Variants in TTC3 observed in about 807,000 individuals in gnomAD.
The protein encoded by TTC3 is E3 ubiquitin-protein ligase TTC3.
In TTC3, 180 loss-of-function variants were observed where a neutral mutation model predicts 249.6. The ratio of observed to expected loss-of-function variants is 0.72; its 90% CI spans 0.64 to 0.82. The LOEUF is 0.82. TTC3 is among the 40% of genes least tolerant of loss of function. The probability of loss-of-function intolerance (pLI) is 0.00; values close to 1 mark genes in which losing one functional copy is unlikely to be tolerated. For synonymous variants in TTC3, 717 were observed against 805.0 expected, an observed-to-expected ratio of 0.89 and a Z score of 1.85; for missense variants, 2,061 against 2,398.4, an observed-to-expected ratio of 0.86 and a Z score of 2.94.
At chr21:37,132,485 G>A (rs1315732418) in intron 16 of TTC3, among the ~76,000 whole-genome samples, 197 bp from the exon 17 acceptor site, 2 of 151,772 alleles carry the variant, frequency 1.3e-5, no homozygotes, top group East Asian at 3.9e-4. Flanking sequence ...GATAATTTTT[G>A]TATTTTTAGT....
At chr21:37,134,829 C>T (rs536217465) in intron 17 of TTC3, among the ~76,000 whole-genome samples, 1 of 152,060 alleles carries the variant, frequency 6.6e-6, no homozygotes, top group Non-Finnish European at 1.5e-5. Flanking sequence ...TGCATTTAAC[C>T]TATTGTTATC....
At chr21:37,148,678 C>A in intron 23 of TTC3, 31 bp downstream of exon 23, 1 of 1,455,144 alleles carries the variant, frequency 6.9e-7, no homozygotes, top group Non-Finnish European at 9.4e-7. Flanking sequence ...CTGAATTTTT[C>A]AGTATACTTA....
At chr21:37,159,108 C>G (rs1251240332) in intron 28 of TTC3, among the ~76,000 whole-genome samples, 1 of 152,214 alleles carries the variant, frequency 6.6e-6, no homozygotes, top group Non-Finnish European at 1.5e-5. Context: ...TCCTCTATCT[C>G]TGAGCACACA....
At chr21:37,131,423 A>G (rs1269653173) in intron 16 of TTC3, among the ~76,000 whole-genome samples, 1 of 152,200 alleles carries the variant, frequency 6.6e-6, no homozygotes, top group East Asian at 1.9e-4. Context: ...GGGCTGACGA[A>G]CACATTGATG....
In TTC3 at chr21:37,154,303, T is replaced by G. The variant is rs576307489; in HGVS notation, c.2740+1026T>G. Reference sequence around the variant, plus strand: ...CCACCTGTCTGAATGTTTAGAAACGTGGGGCTATTAGAATTCTAGGGTTTC... The same window carrying G: ...CCACCTGTCTGAATGTTTAGAAACGGGGGGCTATTAGAATTCTAGGGTTTC... On this transcript the variant is annotated intron_variant, in intron 27 of 45. Transcript: ENST00000355666. Among the ~76,000 whole-genome samples the G allele has an allele frequency of 4.6e-5, 7 of 152,232 alleles. No homozygotes were observed. In the South Asian group the frequency reaches 1.5e-3, roughly 32 times the overall value.
chr21:37,088,147 T>TA (rs754005025), intron 3 of TTC3, 49 bp from the exon 4 acceptor site: 77 of 1,462,668 alleles, frequency 5.3e-5, no homozygotes, highest in Non-Finnish European at 6.9e-5. Flanking sequence ...GTTGATTCAT[T>TA]AAAAAAATGA....
intron 1 of TTC3, among the ~76,000 whole-genome samples, chr21:37,080,187 GTTTAA>G (rs1314466511): frequency 6.6e-6 from 1 of 151,862 alleles, no homozygotes; most frequent in East Asian, 1.9e-4. Flanking sequence ...ATCTAACATA[GTTTAA>G]TTTATAGTGT....
intron 1 of TTC3, among the ~76,000 whole-genome samples, chr21:37,080,370 T>G (rs1601219966): frequency 2.8e-5 from 1 of 35,996 alleles, no homozygotes; most frequent in Non-Finnish European, 8.1e-5. Context: ...TTTTTAGCAT[T>G]TTTTTTTTTT....
At chr21:37,116,301 T>C (rs913252085) in intron 11 of TTC3, among the ~76,000 whole-genome samples, 4 of 152,176 alleles carry the variant, frequency 2.6e-5, no homozygotes, top group African/African-American at 9.7e-5. Flanking sequence ...TCTATCGAGT[T>C]CATGATAGTG....
chr21:37,121,500 C>T (rs950789159), intron 11 of TTC3, among the ~76,000 whole-genome samples: 5 of 152,172 alleles, frequency 3.3e-5, no homozygotes, highest in Non-Finnish European at 7.3e-5. Flanking sequence ...TTTACTTTAT[C>T]TGGCACAAAA....
Position 37,150,185 on chromosome 21 carries a change from G to A in TTC3, c.2211+15G>A. The A allele has an allele frequency of 1.9e-6, 3 of 1,586,950 alleles. No individual in the cohort carries two copies. The highest frequency in any genetic ancestry group is 1.7e-6 in the Non-Finnish European group (2 of 1,158,684). On this transcript the variant is annotated intron_variant, in intron 24 of 45. Transcript: ENST00000355666. ...TTAAATGTGAAGTAAGTAATAAAGG[G>A]GAAACCTTGTTAGATAGATAACCAA... is the stretch of plus-strand genomic sequence containing the variant.
intron 43 of TTC3, 71 bp from the exon 44 acceptor site, chr21:37,197,811 G>A: frequency 6.4e-7 from 1 of 1,559,682 alleles, no homozygotes; most frequent in Non-Finnish European, 8.6e-7. Flanking sequence ...AAAGACAGAA[G>A]ATGGTCAAGT....
chr21:37,098,345 C>T (rs1490224970), intron 10 of TTC3: 1 of 165,140 alleles, frequency 6.1e-6, no homozygotes, highest in African/African-American at 2.4e-5. Context: ...AGCTGAGAGG[C>T]ACACCAGGGT....
chr21:37,127,072 C>G (rs901741771), intron 15 of TTC3, among the ~76,000 whole-genome samples: 1 of 152,142 alleles, frequency 6.6e-6, no homozygotes, highest in Non-Finnish European at 1.5e-5. Context: ...CCAGGCTGGT[C>G]TCGAAATCTT....
At chr21:37,108,224 A>G (rs2075277182) in intron 10 of TTC3, 168 bp from the exon 11 acceptor site, 1 of 528,824 alleles carries the variant, frequency 1.9e-6, no homozygotes, top group Admixed American at 3.8e-5. Context: ...ATTTTTCTGT[A>G]TTTTCCAAAT....
chr21:37,192,317 T>A (rs2084250164), intron 41 of TTC3, 104 bp downstream of exon 41: 1 of 695,578 alleles, frequency 1.4e-6, no homozygotes, highest in African/African-American at 1.8e-5. Context: ...ATGAGATTGG[T>A]TAATAATTGC....
At chr21:37,149,420 A>T (rs2079260652) in intron 23 of TTC3, among the ~76,000 whole-genome samples, 1 of 152,240 alleles carries the variant, frequency 6.6e-6, no homozygotes, top group African/African-American at 2.4e-5. Context: ...CAATATAATG[A>T]TATGAGTAAA....
intron 15 of TTC3, among the ~76,000 whole-genome samples, chr21:37,128,542 T>G (rs1186037494): frequency 6.6e-6 from 1 of 152,224 alleles, no homozygotes; most frequent in African/African-American, 2.4e-5. Context: ...AAATGCCATA[T>G]CCTCACTAAC....
chr21:37,175,817 C>A (rs1355937015), intron 35 of TTC3, among the ~76,000 whole-genome samples: 1 of 151,476 alleles, frequency 6.6e-6, no homozygotes, highest in Non-Finnish European at 1.5e-5. Flanking sequence ...GTCGCCCAGG[C>A]TGGAGTGCAG....
Sources: gnomAD v4.1 joint callset for allele counts (sites outside exome capture counted in the v4.1 genomes callset) on GRCh38, gnomAD v4.1.1 for gene constraint, MANE v1.5 for transcripts, NCBI Gene and HGNC (gene_info 2026-07-23, HGNC 2026-07-21) for gene names.